The following STK3 variants were observed in gnomAD, a reference collection of about 807,000 sequenced individuals.
The protein encoded by STK3 is serine/threonine-protein kinase 3.
STK3 carries 41 observed loss-of-function variants against 58.0 expected under a neutral mutation model. The observed-to-expected ratio is 0.71, with a 90% CI of 0.55 to 0.92. STK3 has a LOEUF of 0.92. Among genes scored for constraint, STK3 ranks in the 40% least tolerant of loss-of-function variants. STK3 has a pLI of 0.00. For synonymous variants in STK3, 170 were observed against 191.0 expected (o/e 0.89, Z 0.91); for missense variants, 479 against 602.7 (o/e 0.79, Z 2.15).
At chr8:98,611,510 A>G (rs886188341) in intron 6 of STK3, among the ~76,000 whole-genome samples, 19 of 152,190 alleles carry the variant, frequency 1.2e-4, no homozygotes, top group Non-Finnish European at 2.2e-4. Flanking sequence ...AATAAGGCTT[A>G]ATCTACAGCC....
chr8:98,707,142 C>CTG lies in STK3; in HGVS notation c.516+4_516+5insCA. On this transcript the variant is annotated splice_donor_region_variant and intron_variant, in intron 5 of 10. Coordinates refer to ENST00000419617, the MANE Select transcript of STK3 (RefSeq NM_006281.4). ...GTGTTTAGAAAACCATTAAAGTTAA[C>CTG]TTACTGTTAACTGACCAGCCACTCC... 6.3e-7 allele frequency: 1 copy of CTG among 1,597,728 alleles called. No homozygotes were observed. The highest frequency in any genetic ancestry group is 8.5e-7 in the Non-Finnish European group (1 of 1,176,060).
At chr8:98,872,038 A>C (rs1256487471) in intron 3 of STK3, among the ~76,000 whole-genome samples, 1 of 152,208 alleles carries the variant, frequency 6.6e-6, no homozygotes, top group Non-Finnish European at 1.5e-5. Flanking sequence ...GTTTATTGAG[A>C]GTTTTTAGCA....
At chr8:98,429,841 T>G (rs1458828104) in intron 3 of STK3, 1 of 175,734 alleles carries the variant, frequency 5.7e-6, no homozygotes, top group Admixed American at 6.1e-5. Flanking sequence ...AATGCATCTA[T>G]GAGGTCAGCA....
chr8:98,654,995 A>G (rs2130743993), intron 6 of STK3, among the ~76,000 whole-genome samples: 1 of 152,248 alleles, frequency 6.6e-6, no homozygotes, highest in Middle Eastern at 3.4e-3. Context: ...TTTAAAGTTC[A>G]TATGGAAAAA....
At chr8:98,885,078 A>G (rs991861749) in intron 1 of STK3, among the ~76,000 whole-genome samples, 1 of 152,238 alleles carries the variant, frequency 6.6e-6, no homozygotes, top group African/African-American at 2.4e-5. Flanking sequence ...GTGTTAGCCA[A>G]ATCACCTATA....
intron 10 of STK3, among the ~76,000 whole-genome samples, chr8:98,522,627 T>A (rs968460144): frequency 6.6e-6 from 1 of 152,174 alleles, no homozygotes; most frequent in African/African-American, 2.4e-5. Context: ...CACACTCTCA[T>A]ACAAGCATCA....
chr8:98,535,880 G>A (rs772227983), intron 9 of STK3, among the ~76,000 whole-genome samples: 1 of 152,086 alleles, frequency 6.6e-6, no homozygotes, highest in Non-Finnish European at 1.5e-5. Flanking sequence ...GGCTGAGCAG[G>A]CATTTCCTTT....
chr8:98,860,730 A>T lies in STK3; in HGVS notation c.110+22917T>A, dbSNP rs552104234. 5.9e-5 allele frequency among the ~76,000 whole-genome samples: 9 copies of T among 152,292 alleles called. No homozygotes were observed. The South Asian group carries it at 1.9e-3, about 32-fold the overall frequency. ...ATGCTGAGGAAGAGGGACTATGGAC[A>T]CTATGGACCAGCATACGACAAACAC... On this transcript the variant is annotated intron_variant, in intron 3 of 12. Transcript: ENST00000523601.
intron 8 of STK3, among the ~76,000 whole-genome samples, chr8:98,551,917 C>T (rs2131597672): frequency 6.6e-6 from 1 of 152,084 alleles, no homozygotes; most frequent in East Asian, 1.9e-4. Context: ...GAAACTAATT[C>T]AAACCATCAT....
In STK3 at chr8:98,662,782, G is replaced by A. The variant is rs187350730; in HGVS notation, c.684+43685C>T. On this transcript the variant is annotated intron_variant, in intron 6 of 10. Coordinates refer to ENST00000419617, the MANE Select transcript of STK3 (RefSeq NM_006281.4). ...ATTGTTGTGCTGCACCCATTAACTCGTCATTTAACATTAGGTATATCTCCT... is the reference window on the plus strand; with the variant it reads ...ATTGTTGTGCTGCACCCATTAACTCATCATTTAACATTAGGTATATCTCCT... Among the ~76,000 whole-genome samples, 508 of 151,380 alleles carry A rather than the reference G, an allele frequency of 3.4e-3. 3 individuals are homozygous for A. The highest frequency in any genetic ancestry group is 0.012 in the African/African-American group (487 of 41,214).
At chr8:98,830,863 G>A (rs1265539970) in intron 3 of STK3, among the ~76,000 whole-genome samples, 5 of 151,582 alleles carry the variant, frequency 3.3e-5, no homozygotes, top group East Asian at 1.9e-4. Context: ...CCAGCTACTC[G>A]GGAGGCTGAG....
intron 1 of STK3, among the ~76,000 whole-genome samples, chr8:98,381,646 C>G (rs1284210714): frequency 6.6e-6 from 1 of 152,220 alleles, no homozygotes; most frequent in Admixed American, 6.5e-5. Context: ...TATTGTCCGT[C>G]ACTTAACTCT....
rs771770354 is a variant in STK3, at chr8:98,579,769, G to A, written c.843C>T (p.Ala281=). 5.3e-5 allele frequency: 83 copies of A among 1,575,806 alleles called. No individual in the cohort carries two copies. The highest frequency in any genetic ancestry group is 1.2e-4 in the Admixed American group (6 of 50,310). The change falls in exon 8 of 11, where the codon GCC becomes GCT. Residue 281 remains alanine, a synonymous_variant. Transcript: ENST00000419617. Reference sequence around the variant, plus strand: ...GGTCTCTTAATATTGATACAGGTTTGGCATTCTTGATAAAAGGATGCTAAA... The same window carrying A: ...GGTCTCTTAATATTGATACAGGTTTAGCATTCTTGATAAAAGGATGCTAAA... ...QLLQHPFIKN[A]KPVSILRDLI... is the part of the protein sequence containing the mutation.
chr8:98,851,441 C>A (rs567955512), intron 3 of STK3, among the ~76,000 whole-genome samples: 2 of 152,188 alleles, frequency 1.3e-5, no homozygotes, highest in Non-Finnish European at 2.9e-5. Context: ...ATTCTCTGAG[C>A]ATCTTATCTT....
At chr8:98,505,812 C>T (rs1032813053) in intron 10 of STK3, among the ~76,000 whole-genome samples, 7 of 152,098 alleles carry the variant, frequency 4.6e-5, no homozygotes, top group African/African-American at 1.7e-4. Context: ...GTCAGTTGGC[C>T]CCTACTGGGA....
At chr8:98,822,067 T>C (rs546160139) in intron 1 of STK3, among the ~76,000 whole-genome samples, 8 of 143,098 alleles carry the variant, frequency 5.6e-5, no homozygotes, top group Admixed American at 2.0e-4. Context: ...CACACACACA[T>C]ACACACACAC....
intron 6 of STK3, 148 bp from the exon 7 acceptor site, chr8:98,596,317 G>A: frequency 1.1e-6 from 1 of 890,524 alleles, no homozygotes. Context: ...TGAAATTCAG[G>A]AAGCCAGTCC....
At chr8:98,700,098 G>C (rs1043330861) in intron 6 of STK3, among the ~76,000 whole-genome samples, 2 of 152,164 alleles carry the variant, frequency 1.3e-5, no homozygotes, top group Non-Finnish European at 2.9e-5. Context: ...CCTCGCTGCC[G>C]CCTTGCAGTT....
At chr8:98,433,068 T>G (rs959104726) in intron 3 of STK3, among the ~76,000 whole-genome samples, 39 of 152,106 alleles carry the variant, frequency 2.6e-4, no homozygotes, top group African/African-American at 4.8e-4. Context: ...TGGGTGTTTT[T>G]TTTGTTTGTT....
Sources: gnomAD v4.1 joint callset for allele counts (sites outside exome capture counted in the v4.1 genomes callset) on GRCh38, gnomAD v4.1.1 for gene constraint, MANE v1.5 for transcripts, NCBI Gene and HGNC (gene_info 2026-07-23, HGNC 2026-07-21) for gene names.